The following ABHD2 variants were observed in gnomAD, a reference collection of about 807,000 sequenced individuals.
The protein encoded by ABHD2 is abhydrolase domain containing 2, acylglycerol lipase.
Under a neutral mutation model 48.1 loss-of-function variants are expected in ABHD2, and 20 were observed. The ratio of observed to expected loss-of-function variants is 0.42; its 90% CI spans 0.29 to 0.60. The LOEUF (loss-of-function observed/expected upper bound fraction) is 0.60. Ranked by LOEUF, ABHD2 falls within the 20% of genes least tolerant of loss-of-function variation. The pLI is 0.24. For synonymous variants in ABHD2, 209 were observed against 214.2 expected (o/e 0.98, Z 0.21); for missense variants, 405 against 550.9 (o/e 0.74, Z 2.65).
At chr15:89,051,073 A>G in the ABHD2 span, among the ~76,000 whole-genome samples, 2 of 152,260 alleles carry the variant, frequency 1.3e-5, no homozygotes, top group African/African-American at 4.8e-5. Context: ...TCTCTACTAA[A>G]AATACAAAAA....
chr15:89,066,449 C>T, the ABHD2 span, among the ~76,000 whole-genome samples: 1 of 152,156 alleles, frequency 6.6e-6, no homozygotes, highest in Non-Finnish European at 1.5e-5. Context: ...TAGGGCCTAC[C>T]TTAATCCAGT....
At chr15:89,052,581 G>A in the ABHD2 span, among the ~76,000 whole-genome samples, 43 of 130,794 alleles carry the variant, frequency 3.3e-4, no homozygotes, top group African/African-American at 1.3e-3. Context: ...ACACACACAC[G>A]ACACACACAC....
intron 5 of ABHD2, among the ~76,000 whole-genome samples, chr15:89,165,508 C>T (rs2050824743): frequency 6.6e-6 from 1 of 152,036 alleles, no homozygotes. Flanking sequence ...ATCTCAGCTA[C>T]TCAGGAGACT....
At chr15:89,068,378 T>G in the ABHD2 span, among the ~76,000 whole-genome samples, 3 of 152,222 alleles carry the variant, frequency 2.0e-5, no homozygotes. Context: ...GGCTAGCCTC[T>G]GCTCCCTGGT....
In ABHD2 at chr15:89,181,264, T is replaced by G. The variant is rs775185597; in HGVS notation, c.723-4160T>G. Among the ~76,000 whole-genome samples the G allele has an allele frequency of 1.0e-3, 153 of 147,588 alleles. 4 individuals are homozygous for G. Among genetic ancestry groups the G allele is most frequent in the Non-Finnish European group, 4.0e-4 (27 of 67,284 alleles). ...AAAAAAAAAAAACAAGATGGTAAAT[T>G]TTATGTTATGTGTTTTTATCATAAT... is the stretch of plus-strand genomic sequence containing the variant. On this transcript the variant is annotated intron_variant, in intron 6 of 10. Transcript: ENST00000352732.
Position 89,091,496 on chromosome 15 carries a change from C to T in ABHD2, c.-107+2933C>T, listed in dbSNP as rs766089692. ...TCAGTATTTTGGTGGATGAGCTTCT[C>T]ATTTGCTGTTACTCGTTGCTTTAAG... On this transcript the variant is annotated intron_variant, in intron 1 of 10. Transcript: ENST00000352732. This position sits in a 1 kb window ranked among gnomAD's most constrained non-coding sequence, Gnocchi z 5.5. 7.2e-5 allele frequency among the ~76,000 whole-genome samples: 11 copies of T among 152,286 alleles called. No individual in the cohort carries two copies. The highest frequency in any genetic ancestry group is 1.9e-4 in the East Asian group (1 of 5,178).
chr15:89,192,606 C>A (rs1037528354), intron 9 of ABHD2, among the ~76,000 whole-genome samples: 3 of 151,892 alleles, frequency 2.0e-5, no homozygotes, highest in Non-Finnish European at 4.4e-5. Flanking sequence ...AAATCCTGGC[C>A]TCAAGTGATC....
At chr15:89,044,609 G>C in the ABHD2 span, among the ~76,000 whole-genome samples, 629 of 151,648 alleles carry the variant, frequency 4.1e-3, 4 homozygotes, top group African/African-American at 0.014. Flanking sequence ...ACTGGTGTGA[G>C]ATGGTATCTC....
chr15:89,042,147 C>G, the ABHD2 span, among the ~76,000 whole-genome samples: 1 of 152,186 alleles, frequency 6.6e-6, no homozygotes, highest in Non-Finnish European at 1.5e-5. Context: ...GTCTCCACAT[C>G]ATAGCTGAGG....
rs1449674889 is a variant in ABHD2, at chr15:89,092,312, C to T, written c.-107+3749C>T. 6.6e-6 allele frequency among the ~76,000 whole-genome samples: 1 copy of T among 152,092 alleles called. No homozygotes were observed. Among genetic ancestry groups the T allele is most frequent in the African/African-American group, 2.4e-5 (1 of 41,390 alleles). On this transcript the variant is annotated intron_variant, in intron 1 of 10. Coordinates refer to ENST00000352732, the MANE Select transcript of ABHD2 (RefSeq NM_152924.5). The surrounding 1 kb of genome is among the most constrained non-coding windows in gnomAD (Gnocchi z 4.4). ...GGAACGTTGGTACCCTTGGATTTGC[C>T]TGGTTTCTGATTTTCTTTTGTTGTC...
the ABHD2 span, among the ~76,000 whole-genome samples, chr15:89,057,474 A>G: frequency 6.6e-6 from 1 of 152,302 alleles, no homozygotes; most frequent in South Asian, 2.1e-4. Context: ...AACTCCAAGG[A>G]TTGATTTTCA....
Position 89,155,344 on chromosome 15 carries a change from G to A in ABHD2, c.371-23G>A, listed in dbSNP as rs933580634. On this transcript the variant is annotated intron_variant, in intron 4 of 10. Coordinates refer to ENST00000352732, the MANE Select transcript of ABHD2 (RefSeq NM_152924.5). The surrounding 1 kb of genome is among the most constrained non-coding windows in gnomAD (Gnocchi z 4.9). ...CATGTCACATTTCTTGGATACATCA[G>A]GATCTCTTTCTCTACGCTATAGATG... 1 of 1,602,812 alleles carries A rather than the reference G, an allele frequency of 6.2e-7. No individual in the cohort carries two copies. The highest frequency in any genetic ancestry group is 1.7e-5 in the Admixed American group (1 of 59,638).
chr15:89,161,873 C>T lies in ABHD2; in HGVS notation c.538+6339C>T, dbSNP rs2050767337. Among the ~76,000 whole-genome samples the T allele has an allele frequency of 2.0e-5, 3 of 152,344 alleles. No individual in the cohort carries two copies. In the South Asian group the frequency reaches 6.2e-4, roughly 32 times the overall value. On this transcript the variant is annotated intron_variant, in intron 5 of 10. Coordinates refer to ENST00000352732, the MANE Select transcript of ABHD2 (RefSeq NM_152924.5). ...CTTATACAAGAGCAATTTATTTTCT[C>T]ACCGTTCTGGGGCCTAGAAGTCCCA...
At chr15:89,077,604 G>A in the ABHD2 span, among the ~76,000 whole-genome samples, 2 of 152,110 alleles carry the variant, frequency 1.3e-5, 1 homozygote, top group African/African-American at 4.8e-5. Context: ...CTGTAAAACA[G>A]GCATAATCAT....
In ABHD2 at chr15:89,175,391, G is replaced by A. The variant is rs1460359035; in HGVS notation, c.539-421G>A. 6.6e-6 allele frequency among the ~76,000 whole-genome samples: 1 copy of A among 151,954 alleles called. No homozygotes were observed. Among genetic ancestry groups the A allele is most frequent in the African/African-American group, 2.4e-5 (1 of 41,354 alleles). On this transcript the variant is annotated intron_variant, in intron 5 of 10. Transcript: ENST00000352732. This position sits in a 1 kb window ranked among gnomAD's most constrained non-coding sequence, Gnocchi z 5.7. ...AAGGACACACCTGTAGTGTGTAGAG[G>A]TGGGGTCTCACCATTTTGTCCAGGC...
intron 9 of ABHD2, 54 bp from the exon 10 acceptor site, chr15:89,193,181 G>C (rs2051335727): frequency 2.6e-6 from 4 of 1,544,566 alleles, no homozygotes; most frequent in Non-Finnish European, 3.6e-6. Flanking sequence ...TTGAATCGAT[G>C]GGGTCTGAAA....
rs140795357 is a variant in ABHD2 at position 89,156,663 on chromosome 15, G to A, written c.538+1129G>A. Among the ~76,000 whole-genome samples, 246 of 151,776 alleles carry A rather than the reference G, an allele frequency of 1.6e-3. 1 individual carries two copies. The highest frequency in any genetic ancestry group is 5.7e-3 in the African/African-American group (238 of 41,392). The stretch of plus-strand genomic sequence containing the variant: ...TGAGGCACGAGGATCACTTGAACCC[G>A]GGAGGCAGAGGTCATGCCACTACAC... On this transcript the variant is annotated intron_variant, in intron 5 of 10. Coordinates refer to ENST00000352732, the MANE Select transcript of ABHD2 (RefSeq NM_152924.5).
the ABHD2 span, among the ~76,000 whole-genome samples, chr15:89,060,596 A>G: frequency 2.8e-5 from 4 of 144,696 alleles, no homozygotes; most frequent in Non-Finnish European, 6.2e-5. Context: ...CCACCGTGAT[A>G]TACACAGAAG....
At position 89,185,611 on chromosome 15, in the gene ABHD2, G is replaced by GAAAA. The variant is rs113210345; in HGVS notation, c.815+103_815+106dup. The GAAAA allele has an allele frequency of 2.4e-6, 2 of 842,356 alleles. No individual in the cohort carries two copies. The highest frequency in any genetic ancestry group is 2.9e-5 in the Admixed American group (1 of 34,914). The allele number at this position is 842,356 out of a possible 1,614,324, so 52.2% of individuals were successfully genotyped here. On this transcript the variant is annotated intron_variant, in intron 7 of 10. Coordinates refer to ENST00000352732, the MANE Select transcript of ABHD2 (RefSeq NM_152924.5). This position sits in a 1 kb window ranked among gnomAD's most constrained non-coding sequence, Gnocchi z 5.9. ...AGCCAGGACTCCTGTTCCTTCAGGG[G>GAAAA]AAAAAAAAAAATGCAGGTGTGGTAC...
Sources: gnomAD v4.1 joint callset for allele counts (sites outside exome capture counted in the v4.1 genomes callset) on GRCh38, gnomAD v4.1.1 for gene constraint, Gnocchi (gnomAD v3.1) non-coding constraint, MANE v1.5 for transcripts, NCBI Gene and HGNC (gene_info 2026-07-23, HGNC 2026-07-21) for gene names.